The following XRCC4 variants were observed in gnomAD, a reference collection of about 807,000 sequenced individuals.
XRCC4 encodes the protein DNA repair protein XRCC4.
Under a neutral mutation model 39.1 loss-of-function variants are expected in XRCC4, and 28 were observed. That is an observed-to-expected ratio of 0.72 (90% CI 0.53 to 0.98). The LOEUF is 0.98. Among genes scored for constraint, XRCC4 ranks in the 50% least tolerant of loss-of-function variants. The pLI is 0.00. For synonymous variants in XRCC4, 123 were observed against 126.4 expected (o/e 0.97, Z 0.18); for missense variants, 350 against 376.4 (o/e 0.93, Z 0.58).
chr5:83,356,902 C>T (rs114025152), downstream of XRCC4, among the ~76,000 whole-genome samples: 1 of 152,022 alleles, frequency 6.6e-6, no homozygotes, highest in Non-Finnish European at 1.5e-5. Context: ...TGGTATGGCT[C>T]CAGCCTCATT....
intron 3 of XRCC4, among the ~76,000 whole-genome samples, chr5:83,130,637 C>G (rs1747524695): frequency 6.6e-6 from 1 of 152,096 alleles, no homozygotes; most frequent in South Asian, 2.1e-4. Context: ...ATTATTGCCT[C>G]AATTTCAGAA....
the XRCC4 span, among the ~76,000 whole-genome samples, chr5:83,366,451 C>A: frequency 6.6e-6 from 1 of 152,136 alleles, no homozygotes; most frequent in Non-Finnish European, 1.5e-5. Context: ...AAGTTAGTAT[C>A]CTATTTCAAC....
chr5:83,094,897 T>TG, intron 1 of XRCC4, among the ~76,000 whole-genome samples: 1 of 151,880 alleles, frequency 6.6e-6, no homozygotes, highest in African/African-American at 2.4e-5. Flanking sequence ...TTTTTTTTTT[T>TG]TTTTTTACCA....
chr5:83,175,391 A>T (rs564635419), intron 3 of XRCC4, among the ~76,000 whole-genome samples: 1 of 152,166 alleles, frequency 6.6e-6, no homozygotes, highest in Non-Finnish European at 1.5e-5. Flanking sequence ...ATCTGGAAAA[A>T]ATTTTTAAAA....
chr5:83,205,965 C>T lies in XRCC4; in HGVS notation c.745+1044C>T, dbSNP rs900612195. On this transcript the variant is annotated intron_variant, in intron 6 of 7. Coordinates refer to ENST00000396027, the MANE Select transcript of XRCC4 (RefSeq NM_003401.5). ...AAAACACTAAGTACAAAGTTCCTGA[C>T]GCGTTTAAGCAATACTATAGAGTGT... is the stretch of plus-strand genomic sequence containing the variant. 5.9e-5 allele frequency among the ~76,000 whole-genome samples: 9 copies of T among 151,936 alleles called. No individual in the cohort carries two copies. In the South Asian group the frequency reaches 6.2e-4, roughly 11 times the overall value.
intron 7 of XRCC4, among the ~76,000 whole-genome samples, chr5:83,327,065 T>TA (rs148447539): frequency 0.033 from 4,974 of 152,204 alleles, 229 homozygotes; most frequent in African/African-American, 0.1. Context: ...TTGTTTTGCT[T>TA]ATTGAAGTGT....
rs150968062 is a variant in XRCC4 at position 83,197,882 on chromosome 5, A to G, written c.482+1946A>G. ...TTCTAGTCTCTTTATTGTATTCCAG[A>G]TCTTAGATTAGTAGCTTTAAATATT... is the stretch of plus-strand genomic sequence containing the variant. On this transcript the variant is annotated intron_variant, in intron 4 of 7. Transcript: ENST00000396027. Among the ~76,000 whole-genome samples, 23 of 152,170 alleles carry G rather than the reference A, an allele frequency of 1.5e-4. 1 individual carries two copies. In the East Asian group the frequency reaches 4.4e-3, roughly 29 times the overall value.
At chr5:83,083,082 C>G (rs73136186) in intron 1 of XRCC4, among the ~76,000 whole-genome samples, 91 of 152,290 alleles carry the variant, frequency 6.0e-4, no homozygotes, top group African/African-American at 2.2e-3. Flanking sequence ...TCCCAACCTC[C>G]CTATTTAAAT....
At chr5:83,113,361 C>T (rs189166576) in intron 3 of XRCC4, among the ~76,000 whole-genome samples, 282 of 152,314 alleles carry the variant, frequency 1.9e-3, no homozygotes, top group Admixed American at 4.0e-3. Context: ...GGGTACAGCT[C>T]CCTTCCTGGC....
At chr5:83,339,439 G>T (rs753917562) in intron 7 of XRCC4, among the ~76,000 whole-genome samples, 1 of 151,704 alleles carries the variant, frequency 6.6e-6, no homozygotes, top group Non-Finnish European at 1.5e-5. Context: ...ACACATGGAC[G>T]CAGGGAGGGG....
chr5:83,162,956 T>TTTC (rs1749290894), intron 3 of XRCC4, among the ~76,000 whole-genome samples: 3 of 93,084 alleles, frequency 3.2e-5, no homozygotes, highest in African/African-American at 1.0e-4. Flanking sequence ...TTCTTTCTTT[T>TTTC]TTTTTTTTGA....
chr5:83,253,329 C>T (rs1179405939), intron 6 of XRCC4, among the ~76,000 whole-genome samples: 1 of 152,080 alleles, frequency 6.6e-6, no homozygotes, highest in Non-Finnish European at 1.5e-5. Context: ...CAATGGGAAA[C>T]CACTCATGGT....
intron 7 of XRCC4, among the ~76,000 whole-genome samples, chr5:83,268,557 GA>G (rs2112923438): frequency 6.6e-6 from 1 of 152,240 alleles, no homozygotes; most frequent in East Asian, 1.9e-4. Flanking sequence ...GGTTACTCAG[GA>G]AGGTGTATTG....
intron 7 of XRCC4, among the ~76,000 whole-genome samples, chr5:83,298,208 C>A (rs1241075657): frequency 6.6e-6 from 1 of 150,976 alleles, no homozygotes; most frequent in Non-Finnish European, 1.5e-5. Context: ...GTCTATGGCA[C>A]CATAAATGTT....
intron 7 of XRCC4, among the ~76,000 whole-genome samples, chr5:83,287,514 A>G (rs888627795): frequency 2.0e-5 from 3 of 152,040 alleles, no homozygotes; most frequent in Non-Finnish European, 4.4e-5. Context: ...ATTTGCTTAC[A>G]TTATAAATGA....
intron 6 of XRCC4, among the ~76,000 whole-genome samples, chr5:83,219,208 T>C (rs1751988694): frequency 6.6e-6 from 1 of 152,164 alleles, no homozygotes; most frequent in Non-Finnish European, 1.5e-5. Context: ...AATGACCTCA[T>C]TTTAACTTTA....
intron 3 of XRCC4, among the ~76,000 whole-genome samples, chr5:83,158,548 A>G (rs56324826): frequency 0.018 from 2,760 of 152,228 alleles, 75 homozygotes; most frequent in African/African-American, 0.063. Flanking sequence ...ATACTGTAAA[A>G]TCATCATGGA....
At chr5:83,091,340 G>A (rs551504434) in intron 1 of XRCC4, among the ~76,000 whole-genome samples, 6 of 152,222 alleles carry the variant, frequency 3.9e-5, no homozygotes, top group African/African-American at 1.4e-4. Context: ...AATGGGAACT[G>A]CCAAACTATT....
chr5:83,354,647 TA>T (rs1399885278), downstream of XRCC4, among the ~76,000 whole-genome samples: 43 of 152,200 alleles, frequency 2.8e-4, 1 homozygote, highest in Non-Finnish European at 5.7e-4. Flanking sequence ...TGTTTTAGCA[TA>T]TCCAAAGCAG....
Sources: allele counts gnomAD v4.1 joint callset (sites outside exome capture counted in the v4.1 genomes callset), GRCh38; gene constraint gnomAD v4.1.1; transcripts MANE v1.5; gene names NCBI Gene and HGNC (gene_info 2026-07-23, HGNC 2026-07-21).